The following RYR2 variants were observed in gnomAD, a reference collection of about 807,000 sequenced individuals.
The protein encoded by RYR2 is ryanodine receptor 2.
RYR2 carries 227 observed loss-of-function variants against 601.1 expected under a neutral mutation model. That is an observed-to-expected ratio of 0.38 (90% CI 0.34 to 0.42). The LOEUF (loss-of-function observed/expected upper bound fraction) is 0.42, where lower values mean the gene tolerates loss of function less well. Ranked by LOEUF, RYR2 falls within the 10% of genes least tolerant of loss-of-function variation. The probability of loss-of-function intolerance (pLI) is 1.00; values close to 1 mark genes in which losing one functional copy is unlikely to be tolerated. For synonymous variants in RYR2, 2,223 were observed against 2,175.1 expected (o/e 1.02, Z -0.61); for missense variants, 4,646 against 6,156.5 (o/e 0.75, Z 8.21).
chr1:237,063,032 C>T (rs1663080746), intron 1 of RYR2, among the ~76,000 whole-genome samples: 1 of 151,980 alleles, frequency 6.6e-6, no homozygotes, highest in South Asian at 2.1e-4. Flanking sequence ...ATCTTAACCC[C>T]CAATGTGATA....
At chr1:237,459,332 C>A (rs1180234512) in intron 16 of RYR2, among the ~76,000 whole-genome samples, 3 of 152,054 alleles carry the variant, frequency 2.0e-5, no homozygotes, top group African/African-American at 7.2e-5. Flanking sequence ...TGTGTGTAGT[C>A]CCAGCTGCGT....
At chr1:237,234,776 C>T (rs1280031808) in intron 1 of RYR2, among the ~76,000 whole-genome samples, 6 of 151,984 alleles carry the variant, frequency 3.9e-5, no homozygotes, top group Non-Finnish European at 8.8e-5. Context: ...ATTGTTCTTT[C>T]ATTTAGCAAC....
chr1:237,047,389 CTTTTTT>C (rs3056166), intron 1 of RYR2, among the ~76,000 whole-genome samples: 2 of 123,714 alleles, frequency 1.6e-5, no homozygotes, highest in Non-Finnish European at 3.3e-5. Flanking sequence ...CCTTTCTAGC[CTTTTTT>C]TTTTTTTTTT....
intron 4 of RYR2, among the ~76,000 whole-genome samples, chr1:237,362,489 T>C (rs1291196626): frequency 6.6e-6 from 1 of 152,210 alleles, no homozygotes; most frequent in Non-Finnish European, 1.5e-5. Flanking sequence ...TTTTCTACTT[T>C]CCATCATATC....
chr1:237,719,767 A>G (rs1320371578), intron 73 of RYR2, among the ~76,000 whole-genome samples: 1 of 151,722 alleles, frequency 6.6e-6, no homozygotes, highest in Non-Finnish European at 1.5e-5. Flanking sequence ...TCCCGTCTCC[A>G]ACACTGAGGA....
chr1:237,184,772 AT>A lies in RYR2; in HGVS notation c.49-85718del, dbSNP rs548737184. Among the ~76,000 whole-genome samples the A allele has an allele frequency of 8.0e-4, 121 of 152,156 alleles. 1 individual carries two copies. Among genetic ancestry groups the A allele is most frequent in the African/African-American group, 2.7e-3 (114 of 41,500 alleles). ...CTAGCATAAATTTATTAGGTTTTAA[AT>A]TTTTTTAATTAAAAGTATACAGAAC... On this transcript the variant is annotated intron_variant, in intron 1 of 104. Coordinates refer to ENST00000366574, the MANE Select transcript of RYR2 (RefSeq NM_001035.3).
At chr1:237,175,617 T>C (rs556906851) in intron 1 of RYR2, among the ~76,000 whole-genome samples, 3 of 152,352 alleles carry the variant, frequency 2.0e-5, no homozygotes, top group East Asian at 1.9e-4. Context: ...CTTTGGGATC[T>C]ACAGCATCAT....
chr1:237,118,679 C>T (rs1236574557), intron 1 of RYR2, among the ~76,000 whole-genome samples: 1 of 152,066 alleles, frequency 6.6e-6, no homozygotes, highest in African/African-American at 2.4e-5. Flanking sequence ...ATTTGGCTCA[C>T]TGCAACCTCC....
At chr1:237,626,580 CTTTT>C (rs60885998) in intron 40 of RYR2, among the ~76,000 whole-genome samples, 3 of 40,042 alleles carry the variant, frequency 7.5e-5, no homozygotes, top group Admixed American at 3.8e-4. Context: ...TTTTCTTTTT[CTTTT>C]TTTTTTTTTT....
intron 1 of RYR2, among the ~76,000 whole-genome samples, chr1:237,056,141 A>G (rs1662002684): frequency 1.3e-5 from 2 of 149,994 alleles, no homozygotes; most frequent in South Asian, 4.3e-4. Context: ...GGACTGGAGC[A>G]TCGCACCTGT....
At chr1:237,272,789 A>G (rs1205932778) in intron 2 of RYR2, among the ~76,000 whole-genome samples, 2 of 152,014 alleles carry the variant, frequency 1.3e-5, no homozygotes, top group East Asian at 3.8e-4. Flanking sequence ...TAACTCAGAA[A>G]CAAGATGAGT....
chr1:237,338,554 T>C (rs569139578), intron 3 of RYR2, among the ~76,000 whole-genome samples: 1 of 152,328 alleles, frequency 6.6e-6, no homozygotes, highest in East Asian at 1.9e-4. Context: ...TCCTAAGCCA[T>C]GAATACAAAA....
At chr1:237,469,249 C>T (rs1200091133) in intron 17 of RYR2, 62 bp downstream of exon 17, 6 of 413,612 alleles carry the variant, frequency 1.5e-5, no homozygotes, top group Non-Finnish European at 2.3e-5. Context: ...TGCTTCGTAT[C>T]CTTTAAGACA....
At chr1:237,663,319 A>G (rs973716074) in intron 56 of RYR2, among the ~76,000 whole-genome samples, 1 of 152,188 alleles carries the variant, frequency 6.6e-6, no homozygotes, top group Admixed American at 6.5e-5. Context: ...ATTTTCTATC[A>G]TGTATAAACT....
At chr1:237,217,250 T>A (rs1683289182) in intron 1 of RYR2, among the ~76,000 whole-genome samples, 1 of 152,184 alleles carries the variant, frequency 6.6e-6, no homozygotes, top group Non-Finnish European at 1.5e-5. Context: ...CTTTCCCTGC[T>A]CGATGACTCA....
At chr1:237,086,034 C>T (rs934692006) in intron 1 of RYR2, among the ~76,000 whole-genome samples, 2 of 152,208 alleles carry the variant, frequency 1.3e-5, no homozygotes, top group Non-Finnish European at 2.9e-5. Flanking sequence ...GGATTATAGG[C>T]GTGAGCCACT....
Position 237,617,502 on chromosome 1 carries a change from G to A in RYR2, c.5916+16G>A. 1.2e-6 allele frequency: 2 copies of A among 1,606,544 alleles called. No individual in the cohort carries two copies. Among genetic ancestry groups the A allele is most frequent in the South Asian group, 1.1e-5 (1 of 90,290 alleles). On this transcript the variant is annotated intron_variant, in intron 38 of 104. Transcript: ENST00000366574. Reference sequence around the variant, plus strand: ...TCAAGAACAGGTACAGAAATGAAATGAAAATTCTTCGTATTTATGTTGGCT... The same window carrying A: ...TCAAGAACAGGTACAGAAATGAAATAAAAATTCTTCGTATTTATGTTGGCT...
At position 237,406,322 on chromosome 1, in the gene RYR2, C is replaced by T. The variant is rs146590936; in HGVS notation, c.774-10727C>T. On this transcript the variant is annotated intron_variant, in intron 10 of 104. Transcript: ENST00000366574. The stretch of plus-strand genomic sequence containing the variant: ...TTCTTACCATGTCAAACTGTACATT[C>T]GTGGATACAGGAACTTTGGTGTTTT... 5.2e-3 allele frequency among the ~76,000 whole-genome samples: 770 copies of T among 149,432 alleles called. 16 individuals carry two copies. The highest frequency in any genetic ancestry group is 2.5e-3 in the Non-Finnish European group (167 of 67,592).
At chr1:237,697,101 T>C (rs10802631) in intron 63 of RYR2, among the ~76,000 whole-genome samples, 89,964 of 151,348 alleles carry the variant, frequency 0.59, 28,562 homozygotes, top group East Asian at 0.94. Flanking sequence ...TCTTTCCTCT[T>C]GCTCTGACTC....
Sources: allele counts gnomAD v4.1 joint callset (sites outside exome capture counted in the v4.1 genomes callset), GRCh38; gene constraint gnomAD v4.1.1; transcripts MANE v1.5; gene names NCBI Gene and HGNC (gene_info 2026-07-23, HGNC 2026-07-21).